CAPSL: variants seen among roughly 807,000 people sequenced by gnomAD.
The protein encoded by CAPSL is calcyphosin-like protein.
A neutral mutation model predicts 21.3 loss-of-function variants in CAPSL; 17 were observed. The observed-to-expected ratio is 0.80, with a 90% CI of 0.55 to 1.20. The LOEUF (loss-of-function observed/expected upper bound fraction) is 1.20. Ranked by LOEUF, CAPSL falls within the 50% of genes most tolerant of loss-of-function variation. The pLI is 0.00. For synonymous variants in CAPSL, 102 were observed against 89.3 expected (o/e 1.14, Z -0.80); for missense variants, 289 against 259.3 (o/e 1.11, Z -0.79).
At chr5:35,923,727 A>G (rs6865274) in intron 1 of CAPSL, among the ~76,000 whole-genome samples, 128,753 of 150,278 alleles carry the variant, frequency 0.86, 55,171 homozygotes, top group South Asian at 0.94. Context: ...AAGCAAATTA[A>G]TGGTTGCAAG....
At chr5:35,922,641 CA>C (rs1330726403) in intron 1 of CAPSL, among the ~76,000 whole-genome samples, 1 of 152,194 alleles carries the variant, frequency 6.6e-6, no homozygotes, top group Non-Finnish European at 1.5e-5. Context: ...TAGAGACTTC[CA>C]TCTCCGTTCT....
At chr5:35,936,202 A>T (rs1203630415) in intron 1 of CAPSL, among the ~76,000 whole-genome samples, 1 of 152,142 alleles carries the variant, frequency 6.6e-6, no homozygotes, top group African/African-American at 2.4e-5. Flanking sequence ...CTCTAAGGGC[A>T]TCCTGACTTC....
chr5:35,914,662 G>A (rs1450557688), intron 2 of CAPSL, among the ~76,000 whole-genome samples: 6 of 150,554 alleles, frequency 4.0e-5, no homozygotes, highest in South Asian at 2.1e-4. Flanking sequence ...TGAAACCAAC[G>A]AGAACAAAGA....
chr5:35,924,430 G>T (rs1326887992), intron 1 of CAPSL, among the ~76,000 whole-genome samples: 1 of 152,186 alleles, frequency 6.6e-6, no homozygotes, highest in African/African-American at 2.4e-5. Flanking sequence ...CTTTCTCATA[G>T]GAAAGTGGGA....
intron 2 of CAPSL, among the ~76,000 whole-genome samples, chr5:35,913,961 C>A (rs1379961304): frequency 1.3e-5 from 2 of 152,102 alleles, no homozygotes; most frequent in African/African-American, 4.8e-5. Flanking sequence ...ATTCAGGAAA[C>A]CCATCTCAAA....
Position 35,921,016 on chromosome 5 carries a change from G to A in CAPSL, c.105C>T (p.Ala35=). 6.2e-7 allele frequency: 1 copy of A among 1,614,076 alleles called. No individual in the cohort carries two copies. The highest frequency in any genetic ancestry group is 1.3e-5 in the African/African-American group (1 of 75,030). The change falls in exon 2 of 5, where the codon GCC becomes GCT. Residue 35 remains alanine (A), a synonymous_variant. Coordinates refer to ENST00000651391, the MANE Select transcript of CAPSL (RefSeq NM_001042625.2). ...PIERLRLQCL[A]RGSAGIKGLG... ...GTCCTTTGATCCCAGCAGAGCCCCT[G>A]GCCAGGCACTGCAGTCGGAGTCTTT...
chr5:35,904,907 C>T lies in CAPSL; in HGVS notation c.526-261G>A, dbSNP rs1389266390. Among the ~76,000 whole-genome samples the T allele has an allele frequency of 2.0e-5, 3 of 152,104 alleles. No homozygotes were observed. The East Asian group carries it at 5.8e-4, about 29-fold the overall frequency. On this transcript the variant is annotated intron_variant, in intron 4 of 4. Transcript: ENST00000651391. ...TGACGCATAGGTTGTCATCTTTTGT[C>T]TAAGGGTGGGAGCCCGTCGGTTCAG...
chr5:35,918,876 A>G lies in CAPSL; in HGVS notation c.137+2108T>C, dbSNP rs151068970. Among the ~76,000 whole-genome samples, 299 of 152,214 alleles carry G rather than the reference A, an allele frequency of 2.0e-3. 5 individuals are homozygous for G. Among genetic ancestry groups the G allele is most frequent in the African/African-American group, 7.1e-3 (295 of 41,534 alleles). ...CTATCATAAGAGTCCAGTGAAAAAAATGTTGAGTGTCTACACTTGAGCAAT... is the reference window on the plus strand; with the variant it reads ...CTATCATAAGAGTCCAGTGAAAAAAGTGTTGAGTGTCTACACTTGAGCAAT... On this transcript the variant is annotated intron_variant, in intron 2 of 4. Transcript: ENST00000651391.
intron 1 of CAPSL, among the ~76,000 whole-genome samples, chr5:35,923,255 C>G (rs1738584590): frequency 1.3e-5 from 2 of 152,126 alleles, no homozygotes; most frequent in African/African-American, 4.8e-5. Context: ...AGACTAAAAA[C>G]CAGTCATGGA....
chr5:35,908,480 A>G (rs1738097135), intron 4 of CAPSL, among the ~76,000 whole-genome samples: 1 of 152,158 alleles, frequency 6.6e-6, no homozygotes, highest in Non-Finnish European at 1.5e-5. Flanking sequence ...ACAACTGGCT[A>G]TTTTGACTTT....
intron 3 of CAPSL, 22 bp from the exon 4 acceptor site, chr5:35,910,097 T>C (rs778063988): frequency 3.2e-6 from 5 of 1,557,886 alleles, no homozygotes; most frequent in Non-Finnish European, 4.3e-6. Flanking sequence ...GAAGAATACA[T>C]ACAGAGACAT....
At chr5:35,918,216 A>G (rs1022255391) in intron 2 of CAPSL, among the ~76,000 whole-genome samples, 7 of 152,248 alleles carry the variant, frequency 4.6e-5, no homozygotes, top group African/African-American at 1.7e-4. Context: ...TCAAATGTCC[A>G]TCAATGATAG....
At chr5:35,914,764 T>C (rs1301874259) in intron 2 of CAPSL, among the ~76,000 whole-genome samples, 1 of 151,990 alleles carries the variant, frequency 6.6e-6, no homozygotes, top group Admixed American at 6.6e-5. Context: ...GCAGGAAAGA[T>C]CTAAAATTGA....
intron 1 of CAPSL, among the ~76,000 whole-genome samples, chr5:35,924,247 A>C (rs891322444): frequency 1.3e-5 from 2 of 152,222 alleles, no homozygotes; most frequent in African/African-American, 4.8e-5. Context: ...TCTCTAGTGC[A>C]ACCTCATTTT....
intron 1 of CAPSL, among the ~76,000 whole-genome samples, chr5:35,934,324 C>T (rs1202198292): frequency 6.6e-6 from 1 of 152,164 alleles, no homozygotes; most frequent in East Asian, 1.9e-4. Flanking sequence ...TCCAGACACC[C>T]AGATTTTCCT....
chr5:35,937,067 C>T (rs1307381773), intron 1 of CAPSL, among the ~76,000 whole-genome samples: 1 of 152,224 alleles, frequency 6.6e-6, no homozygotes, highest in Non-Finnish European at 1.5e-5. Flanking sequence ...ACTACCTTGA[C>T]ACATCCCGCA....
chr5:35,931,795 G>A lies in CAPSL; in HGVS notation c.-1+6746C>T, dbSNP rs999768491. 2.0e-5 allele frequency among the ~76,000 whole-genome samples: 3 copies of A among 152,310 alleles called. No homozygotes were observed. The South Asian group carries it at 6.2e-4, about 32-fold the overall frequency. Reference sequence around the variant, plus strand: ...CAAAAGAAAAGTAAAACTTCGGTTGGTTTCAGTGTTTATGTGCTTAAGACC... The same window carrying A: ...CAAAAGAAAAGTAAAACTTCGGTTGATTTCAGTGTTTATGTGCTTAAGACC... On this transcript the variant is annotated intron_variant, in intron 1 of 4. Transcript: ENST00000651391.
Position 35,913,023 on chromosome 5 carries a change from G to A in CAPSL, c.138-2480C>T, listed in dbSNP as rs545334370. On this transcript the variant is annotated intron_variant, in intron 2 of 4. Coordinates refer to ENST00000651391, the MANE Select transcript of CAPSL (RefSeq NM_001042625.2). ...CAGAGAAGTCCTTAAAGGACCTGAC[G>A]GAGCTGAAAACCATGACAAGAGAAC... is the stretch of plus-strand genomic sequence containing the variant. 5.8e-4 allele frequency among the ~76,000 whole-genome samples: 89 copies of A among 152,266 alleles called. 1 individual carries two copies. The highest frequency in any genetic ancestry group is 5.9e-4 in the Admixed American group (9 of 15,304).
At chr5:35,909,712 G>T (rs545930684) in intron 4 of CAPSL, 154 bp downstream of exon 4, 114 of 668,030 alleles carry the variant, frequency 1.7e-4, no homozygotes, top group Admixed American at 2.6e-4. Context: ...CCCTGGCAAT[G>T]GAGAAGTTTC....
Sources: gnomAD v4.1 joint callset for allele counts (sites outside exome capture counted in the v4.1 genomes callset) on GRCh38, gnomAD v4.1.1 for gene constraint, MANE v1.5 for transcripts, NCBI Gene and HGNC (gene_info 2026-07-23, HGNC 2026-07-21) for gene names.